Variants in ADCY5 observed in about 807,000 individuals in gnomAD.
ADCY5 encodes the protein adenylate cyclase type 5.
ADCY5 carries 30 observed loss-of-function variants against 119.7 expected under a neutral mutation model. The observed-to-expected ratio is 0.25, with a 90% CI of 0.19 to 0.34. The LOEUF (loss-of-function observed/expected upper bound fraction) is 0.34, where lower values mean the gene tolerates loss of function less well. Ranked by LOEUF, ADCY5 falls within the 10% of genes least tolerant of loss-of-function variation. The probability of loss-of-function intolerance (pLI) is 1.00; values close to 1 mark genes in which losing one functional copy is unlikely to be tolerated. For synonymous variants in ADCY5, 753 were observed against 762.2 expected, an observed-to-expected ratio of 0.99 and a Z score of 0.20; for missense variants, 1,324 against 1,775.2, an observed-to-expected ratio of 0.75 and a Z score of 4.57.
intron 1 of ADCY5, among the ~76,000 whole-genome samples, chr3:123,378,184 A>G (rs1943907065): frequency 6.6e-6 from 1 of 151,892 alleles, no homozygotes; most frequent in Non-Finnish European, 1.5e-5. Context: ...TGGTCACTCA[A>G]CTCTCATCTT....
At chr3:123,321,784 G>A (rs1233926490) in intron 8 of ADCY5, among the ~76,000 whole-genome samples, 1 of 152,208 alleles carries the variant, frequency 6.6e-6, no homozygotes, top group Non-Finnish European at 1.5e-5. Context: ...CTCTCCATGA[G>A]CCAGGGCCAC....
chr3:123,297,007 T>C (rs1049312040), intron 16 of ADCY5: 3 of 1,535,870 alleles, frequency 2.0e-6, no homozygotes, highest in Non-Finnish European at 2.6e-6. Flanking sequence ...AGAGGGAAAG[T>C]AGGTACCAGC....
At chr3:123,308,703 C>A (rs903051263) in intron 12 of ADCY5, among the ~76,000 whole-genome samples, 37 of 152,124 alleles carry the variant, frequency 2.4e-4, no homozygotes, top group Admixed American at 2.4e-3. Flanking sequence ...GTGGCAGGCA[C>A]CTGTAGTCCC....
chr3:123,303,347 C>A, intron 13 of ADCY5, 128 bp from the exon 14 acceptor site: 2 of 1,061,392 alleles, frequency 1.9e-6, no homozygotes, highest in South Asian at 3.2e-5. Context: ...CTGATGGGGA[C>A]AAAATCTGAA....
chr3:123,389,599 T>A (rs1576655467), intron 1 of ADCY5, among the ~76,000 whole-genome samples: 1 of 151,978 alleles, frequency 6.6e-6, no homozygotes, highest in Non-Finnish European at 1.5e-5. Flanking sequence ...CAGGCCCACA[T>A]CTGTTTCTTG....
At chr3:123,446,272 C>A (rs779989819) in intron 1 of ADCY5, among the ~76,000 whole-genome samples, 2 of 152,144 alleles carry the variant, frequency 1.3e-5, no homozygotes, top group Non-Finnish European at 2.9e-5. Context: ...GGATAAAAGT[C>A]TAAGAGAAGG....
intron 1 of ADCY5, among the ~76,000 whole-genome samples, chr3:123,396,854 A>G (rs1004109962): frequency 9.0e-6 from 1 of 110,698 alleles, no homozygotes. Context: ...CAGAGAACCC[A>G]TATCCATACC....
In ADCY5 at chr3:123,296,172, A is replaced by G; in HGVS notation, c.2975T>C (p.Ile992Thr). Residue 992 changes from isoleucine to threonine, a missense_variant, in exon 17 of 21, where the codon ATC (isoleucine) becomes ACC (threonine). By Grantham distance (89) the Ile-to-Thr change is moderately conservative. This residue lies in a region of ADCY5 where 424 missense variants were observed against 546.8 expected (regional missense o/e 0.78). Transcript: ENST00000462833. ...GGCCAGCACAAAGACTGAGATGATG[A>G]TGGGCGTCACCACCTTCAATGCCAC... The part of the protein sequence containing the change: ...TKVALKVVTP[I>T]IISVFVLALY... 6.2e-7 allele frequency: 1 copy of G among 1,613,914 alleles called. No homozygotes were observed. The highest frequency in any genetic ancestry group is 1.7e-4 in the Middle Eastern group (1 of 6,060).
chr3:123,448,093 C>G lies in ADCY5; in HGVS notation c.453G>C (p.Val151=), dbSNP rs1945860907. ...GACCCACCTCCACCGAGCGAGGGCGCACCTCCGTCCCGCCCGCCGAGGCAG... is the reference window on the plus strand; with the variant it reads ...GACCCACCTCCACCGAGCGAGGGCGGACCTCCGTCCCGCCCGCCGAGGCAG... ...AAAASAGGTE[V]RPRSVEVGLE... Residue 151 remains valine (V), a synonymous_variant, in exon 1 of 21, where the codon GTG becomes GTC. Transcript: ENST00000462833. The G allele has an allele frequency of 8.5e-7, 1 of 1,176,420 alleles. No homozygotes were observed. Among genetic ancestry groups the G allele is most frequent in the African/African-American group, 1.6e-5 (1 of 61,198 alleles). 72.9% of individuals were successfully genotyped at this position (1,176,420 alleles called of 1,614,324 possible).
Position 123,447,488 on chromosome 3 carries a change from C to A in ADCY5, c.1058G>T (p.Ser353Ile), listed in dbSNP as rs1304535419. ...LPVRMRAAVL[S>I]GVLLSALHLA... ...GTGGAGGGCGGACAGGAGCACCCCG[C>A]TGAGCACTGCGGCCCGCATGCGCAC... is the stretch of plus-strand genomic sequence containing the variant. The change falls in exon 1 of 21, where the codon AGC (serine) becomes ATC (isoleucine). Residue 353 changes from serine to isoleucine, a missense_variant. Ser to Ile is a moderately radical substitution (Grantham distance 142). Transcript: ENST00000462833. The A allele has an allele frequency of 6.2e-7, 1 of 1,611,718 alleles. No individual in the cohort carries two copies. The highest frequency in any genetic ancestry group is 1.7e-5 in the Admixed American group (1 of 59,900).
chr3:123,347,673 G>A, intron 3 of ADCY5, 109 bp downstream of exon 3: 1 of 1,447,882 alleles, frequency 6.9e-7, no homozygotes, highest in South Asian at 1.3e-5. Flanking sequence ...ACACTCCAAA[G>A]TCACCAAGCC....
At chr3:123,337,417 C>T (rs1942075357) in intron 3 of ADCY5, among the ~76,000 whole-genome samples, 1 of 152,214 alleles carries the variant, frequency 6.6e-6, no homozygotes, top group South Asian at 2.1e-4. Context: ...GCACCACCAA[C>T]CAAGTGGCTG....
chr3:123,298,830 CTT>C (rs35856404), intron 15 of ADCY5, among the ~76,000 whole-genome samples: 3 of 102,522 alleles, frequency 2.9e-5, no homozygotes, highest in African/African-American at 1.1e-4. Context: ...AAAACTGTCA[CTT>C]TTTTTTTTTT....
At chr3:123,391,274 C>T (rs1281669821) in intron 1 of ADCY5, among the ~76,000 whole-genome samples, 1 of 152,108 alleles carries the variant, frequency 6.6e-6, no homozygotes, top group African/African-American at 2.4e-5. Flanking sequence ...CGTGCCACTC[C>T]TGAGGCTTTC....
intron 1 of ADCY5, chr3:123,419,016 G>T: frequency 2.2e-6 from 1 of 458,428 alleles, no homozygotes; most frequent in Non-Finnish European, 2.9e-6. Flanking sequence ...TGGTCCTCCA[G>T]CTTACAGACA....
chr3:123,319,956 G>T, intron 9 of ADCY5, 138 bp from the exon 10 acceptor site: 1 of 1,230,932 alleles, frequency 8.1e-7, no homozygotes, highest in Non-Finnish European at 1.1e-6. Flanking sequence ...GGCAGCGGGA[G>T]CTGAGACTGA....
At chr3:123,293,851 C>A (rs750844561) in intron 17 of ADCY5, among the ~76,000 whole-genome samples, 3 of 152,196 alleles carry the variant, frequency 2.0e-5, no homozygotes, top group African/African-American at 7.2e-5. Flanking sequence ...GCACACCAAA[C>A]GCTCAGACCT....
chr3:123,311,977 AAAG>A (rs1940613043), intron 12 of ADCY5, among the ~76,000 whole-genome samples: 1 of 152,172 alleles, frequency 6.6e-6, no homozygotes, highest in Non-Finnish European at 1.5e-5. Flanking sequence ...CAACAATACA[AAAG>A]AAGGCAGGGA....
chr3:123,382,214 T>A (rs1463919594), intron 1 of ADCY5, among the ~76,000 whole-genome samples: 1 of 152,216 alleles, frequency 6.6e-6, no homozygotes, highest in Non-Finnish European at 1.5e-5. Context: ...AGAAAAGTCC[T>A]CTAACATCAT....
Sources: gnomAD v4.1 joint callset for allele counts (sites outside exome capture counted in the v4.1 genomes callset) on GRCh38, gnomAD v4.1.1 for gene constraint, gnomAD v4.1.1 regional missense constraint, MANE v1.5 for transcripts, NCBI Gene and HGNC (gene_info 2026-07-23, HGNC 2026-07-21) for gene names.